Variants in GALNT13 observed in about 807,000 individuals in gnomAD.
GALNT13 encodes the protein polypeptide N-acetylgalactosaminyltransferase 13.
Under a neutral mutation model 64.2 loss-of-function variants are expected in GALNT13, and 28 were observed. The observed-to-expected ratio is 0.44, with a 90% confidence interval of 0.32 to 0.60. The LOEUF (loss-of-function observed/expected upper bound fraction) is 0.60, where lower values mean the gene tolerates loss of function less well. Ranked by LOEUF, GALNT13 falls within the 20% of genes least tolerant of loss-of-function variation. The pLI is 0.05. For synonymous variants in GALNT13, 214 were observed against 224.6 expected (o/e 0.95, Z 0.42); for missense variants, 577 against 669.8 (o/e 0.86, Z 1.53).
chr2:153,181,179 G>A, the GALNT13 span, among the ~76,000 whole-genome samples: 1 of 150,604 alleles, frequency 6.6e-6, no homozygotes, highest in Non-Finnish European at 1.5e-5. Flanking sequence ...TTATTTTGCT[G>A]CATCCCATAA....
chr2:153,257,683 A>G, the GALNT13 span, among the ~76,000 whole-genome samples: 2,209 of 152,300 alleles, frequency 0.015, 58 homozygotes, highest in African/African-American at 0.049. Flanking sequence ...GTATACTGCT[A>G]TGAATAAAAT....
chr2:153,618,839 TCTG>T, the GALNT13 span, among the ~76,000 whole-genome samples: 5 of 152,104 alleles, frequency 3.3e-5, no homozygotes, highest in African/African-American at 1.2e-4. Context: ...TGTAGCAACT[TCTG>T]CTCCTTTTTG....
At chr2:153,849,189 T>A in the GALNT13 span, among the ~76,000 whole-genome samples, 1 of 152,092 alleles carries the variant, frequency 6.6e-6, no homozygotes, top group African/African-American at 2.4e-5. Context: ...AACCACATTA[T>A]CATTTCAATA....
chr2:153,233,745 T>C, the GALNT13 span, among the ~76,000 whole-genome samples: 6 of 152,266 alleles, frequency 3.9e-5, no homozygotes, highest in Non-Finnish European at 7.4e-5. Flanking sequence ...GTAACTTAAT[T>C]TGAAAGAGAA....
chr2:153,871,785 G>C (rs548084520), upstream of GALNT13: 2 of 152,386 alleles, frequency 1.3e-5, no homozygotes, highest in South Asian at 2.1e-4. Context: ...AGGGCTGGGG[G>C]TGCTGGTTAC....
the GALNT13 span, among the ~76,000 whole-genome samples, chr2:153,768,533 T>C: frequency 4.6e-5 from 7 of 152,174 alleles, no homozygotes; most frequent in African/African-American, 1.7e-4. Flanking sequence ...GAAACGTTTA[T>C]CATTATATAA....
At chr2:154,375,509 C>T (rs1336787656) in intron 9 of GALNT13, among the ~76,000 whole-genome samples, 1 of 151,844 alleles carries the variant, frequency 6.6e-6, no homozygotes, top group African/African-American at 2.4e-5. Flanking sequence ...CGATAATGGA[C>T]GGAAAGAGAT....
intron 9 of GALNT13, among the ~76,000 whole-genome samples, chr2:154,358,567 T>G (rs1182497879): frequency 6.6e-6 from 1 of 151,994 alleles, no homozygotes; most frequent in Non-Finnish European, 1.5e-5. Flanking sequence ...AAATGGGAGG[T>G]TTATACAATA....
At chr2:153,854,941 G>A in the GALNT13 span, among the ~76,000 whole-genome samples, 2 of 152,038 alleles carry the variant, frequency 1.3e-5, no homozygotes, top group Non-Finnish European at 2.9e-5. Context: ...ATGTGATATT[G>A]TAGCAAGCAT....
At chr2:153,652,047 G>T in the GALNT13 span, among the ~76,000 whole-genome samples, 3 of 152,094 alleles carry the variant, frequency 2.0e-5, no homozygotes, top group Non-Finnish European at 4.4e-5. Context: ...GGATAGAGCA[G>T]CAAGAGTTAT....
intron 12 of GALNT13, chr2:154,446,632 C>T: frequency 6.5e-7 from 1 of 1,548,626 alleles, no homozygotes; most frequent in South Asian, 1.2e-5. Flanking sequence ...GCTGATGGCT[C>T]CCAGCATCCT....
the GALNT13 span, among the ~76,000 whole-genome samples, chr2:153,228,812 G>A: frequency 7.1e-6 from 1 of 140,914 alleles, no homozygotes; most frequent in Non-Finnish European, 1.5e-5. Flanking sequence ...GGCGGAGGTT[G>A]CAGTGAGTCC....
chr2:153,386,647 C>T, the GALNT13 span, among the ~76,000 whole-genome samples: 16 of 152,050 alleles, frequency 1.1e-4, no homozygotes, highest in Admixed American at 2.6e-4. Context: ...CTTTACTCTC[C>T]GCTTGGAAAC....
chr2:154,433,727 C>T (rs1255703469), intron 11 of GALNT13, among the ~76,000 whole-genome samples: 1 of 136,388 alleles, frequency 7.3e-6, no homozygotes, highest in Non-Finnish European at 1.5e-5. Flanking sequence ...AATTGAATCC[C>T]AAGGTGATCT....
the GALNT13 span, among the ~76,000 whole-genome samples, chr2:153,293,683 C>T: frequency 6.6e-6 from 1 of 152,020 alleles, no homozygotes; most frequent in Non-Finnish European, 1.5e-5. Flanking sequence ...GTATGGATAT[C>T]CGTGTTGAAA....
chr2:154,237,440 G>T (rs1015376067), intron 4 of GALNT13, among the ~76,000 whole-genome samples: 1 of 150,160 alleles, frequency 6.7e-6, no homozygotes, highest in Non-Finnish European at 1.5e-5. Context: ...TCCATCATTT[G>T]TTCCTTGTTC....
chr2:153,977,351 A>T lies in GALNT13; in HGVS notation c.142+32712A>T, dbSNP rs573397384. On this transcript the variant is annotated intron_variant, in intron 3 of 12. Transcript: ENST00000392825. Reference sequence around the variant, plus strand: ...TTTATAAAGGAAAGAGGTTTAATTGACTCACAGTTCCTCAAGGCTGGAGAA... The same window carrying T: ...TTTATAAAGGAAAGAGGTTTAATTGTCTCACAGTTCCTCAAGGCTGGAGAA... Among the ~76,000 whole-genome samples the T allele has an allele frequency of 1.6e-3, 248 of 152,256 alleles. 2 individuals are homozygous for T. The highest frequency in any genetic ancestry group is 6.8e-3 in the Middle Eastern group (2 of 294).
At chr2:154,088,617 T>G (rs1233984020) in intron 3 of GALNT13, among the ~76,000 whole-genome samples, 1 of 152,012 alleles carries the variant, frequency 6.6e-6, no homozygotes, top group Admixed American at 6.6e-5. Flanking sequence ...ACACCCAGTT[T>G]ATTTTTTGTA....
intron 3 of GALNT13, among the ~76,000 whole-genome samples, chr2:153,972,849 C>G (rs1379700306): frequency 6.6e-6 from 1 of 151,910 alleles, no homozygotes; most frequent in Non-Finnish European, 1.5e-5. Context: ...TATGAAGTGG[C>G]CTCACTGATA....
Sources: allele counts gnomAD v4.1 joint callset (sites outside exome capture counted in the v4.1 genomes callset), GRCh38; gene constraint gnomAD v4.1.1; transcripts MANE v1.5; gene names NCBI Gene and HGNC (gene_info 2026-07-23, HGNC 2026-07-21).